The following DCP2 variants were observed in gnomAD, a reference collection of about 807,000 sequenced individuals.
The protein encoded by DCP2 is m7GpppN-mRNA hydrolase.
Under a neutral mutation model 56.1 loss-of-function variants are expected in DCP2, and 30 were observed. The ratio of observed to expected loss-of-function variants is 0.53; its 90% CI spans 0.40 to 0.73. The LOEUF is 0.73. DCP2 is among the 30% of genes least tolerant of loss of function. The pLI is 0.00. For synonymous variants in DCP2, 197 were observed against 163.3 expected (o/e 1.21, Z -1.57); for missense variants, 533 against 502.7 (o/e 1.06, Z -0.58).
At chr5:112,987,620 C>CTTTTTTTTTTTTTTTTTTTTTTT (rs562254738) in intron 2 of DCP2, among the ~76,000 whole-genome samples, 9 of 69,732 alleles carry the variant, frequency 1.3e-4, no homozygotes, top group Non-Finnish European at 1.5e-4. Flanking sequence ...ACCTAGGTGC[C>CTTTTTTTTTTTTTTTTTTTTTTT]TTTTTTTTTT....
intron 7 of DCP2, among the ~76,000 whole-genome samples, chr5:113,002,449 A>C (rs977168097): frequency 6.6e-6 from 1 of 151,178 alleles, no homozygotes. Flanking sequence ...ATTGTGTCAG[A>C]GATTGTGTAT....
intron 2 of DCP2, among the ~76,000 whole-genome samples, chr5:112,986,632 C>A (rs1343041548): frequency 6.6e-6 from 1 of 152,016 alleles, no homozygotes; most frequent in Admixed American, 6.6e-5. Flanking sequence ...GCCGCTGTGC[C>A]CAGTGACATT....
At chr5:113,000,143 A>G (rs964229802) in intron 4 of DCP2, among the ~76,000 whole-genome samples, 2 of 151,192 alleles carry the variant, frequency 1.3e-5, no homozygotes, top group Non-Finnish European at 2.9e-5. Flanking sequence ...ATTTTTTTGT[A>G]TAGATGGAGT....
chr5:112,979,476 C>G (rs952240773), intron 1 of DCP2, among the ~76,000 whole-genome samples: 10 of 152,044 alleles, frequency 6.6e-5, no homozygotes, highest in Non-Finnish European at 1.5e-4. Flanking sequence ...CTTCTTTGCT[C>G]TCTTTTATGT....
Position 112,985,909 on chromosome 5 carries a change from A to T in DCP2, c.128A>T (p.His43Leu). The T allele has an allele frequency of 6.2e-7, 1 of 1,610,468 alleles. No homozygotes were observed. The change falls in exon 2 of 11, where the codon CAT becomes CTT. Residue 43 changes from histidine to leucine, a missense_variant. Around this residue, in one of 3 missense-constraint regions of DCP2, gnomAD observed 137 missense variants for 138.2 expected, o/e 0.99. Coordinates refer to ENST00000389063, the MANE Select transcript of DCP2 (RefSeq NM_152624.6). ...GTGTGTTTTCAGATTGAACTTGCCC[A>T]TTGGTTTTACTTGGATTTCTACATG... Reference protein sequence around the residue: ...IRVCFQIELAHWFYLDFYMQN... With the variant: ...IRVCFQIELALWFYLDFYMQN...
Position 112,997,594 on chromosome 5 carries a change from ACTTTTTCTTTTT to A in DCP2, c.433-3477_433-3466del, listed in dbSNP as rs550427217. Among the ~76,000 whole-genome samples, 8 of 149,088 alleles carry A rather than the reference ACTTTTTCTTTTT, an allele frequency of 5.4e-5. No individual in the cohort carries two copies. In the East Asian group the frequency reaches 5.8e-4, roughly 11 times the overall value. ...TGTACACTGCTGCTCTTTGGGTTAC[ACTTTTTCTTTTT>A]CTTTTTCTTTTTTTTTTTTTTGAGA... On this transcript the variant is annotated intron_variant, in intron 4 of 10. Coordinates refer to ENST00000389063, the MANE Select transcript of DCP2 (RefSeq NM_152624.6).
At chr5:112,983,541 C>T (rs547528521) in intron 1 of DCP2, among the ~76,000 whole-genome samples, 2 of 152,224 alleles carry the variant, frequency 1.3e-5, no homozygotes, top group Admixed American at 1.3e-4. Flanking sequence ...TAAAGACTCA[C>T]AGTAGGATTG....
At chr5:113,009,996 T>C (rs1477992996) in intron 9 of DCP2, among the ~76,000 whole-genome samples, 1 of 151,074 alleles carries the variant, frequency 6.6e-6, no homozygotes, top group Non-Finnish European at 1.5e-5. Context: ...TACTGTAGCC[T>C]TGAACTTCTG....
chr5:112,988,220 T>C (rs11959936), intron 2 of DCP2, among the ~76,000 whole-genome samples: 18,894 of 151,580 alleles, frequency 0.12, 2,788 homozygotes, highest in African/African-American at 0.36. Flanking sequence ...CGGTGGCTCA[T>C]GCCTGTAATC....
At chr5:112,990,445 C>T (rs1282176330) in intron 2 of DCP2, among the ~76,000 whole-genome samples, 2 of 152,162 alleles carry the variant, frequency 1.3e-5, no homozygotes, top group Non-Finnish European at 2.9e-5. Context: ...TTTTACTAAA[C>T]ATGTAAAGCC....
Position 113,005,151 on chromosome 5 carries a change from G to GTGTGTGTGT in DCP2, c.942+1074_942+1075insTGTGTGTGT, listed in dbSNP as rs1749361092. On this transcript the variant is annotated intron_variant, in intron 8 of 10. Transcript: ENST00000389063. ...TCTCAAAAAAAAAAGTGTGCGTGTG[G>GTGTGTGTGT]GTGTGTGTGTGTGTGTGTAAACTGG... 1.3e-3 allele frequency among the ~76,000 whole-genome samples: 195 copies of GTGTGTGTGT among 149,524 alleles called. 1 individual carries two copies. The highest frequency in any genetic ancestry group is 4.4e-3 in the African/African-American group (176 of 40,452).
In DCP2 at chr5:113,018,480, T is replaced by TA. The variant is rs1749980385; in HGVS notation, c.*4997dup. The stretch of plus-strand genomic sequence containing the variant: ...TCACAAGGTGCTTACGTTAGCTGGG[T>TA]AGTATTGGTCAAAGGTACTCTGAAG... On this transcript the variant is annotated 3_prime_UTR_variant, in exon 11 of 11. Transcript: ENST00000389063. 1 of 152,302 alleles carries TA rather than the reference T, an allele frequency of 6.6e-6. No homozygotes were observed. The highest frequency in any genetic ancestry group is 1.9e-4 in the East Asian group (1 of 5,180). 9.4% of individuals were successfully genotyped at this position (152,302 alleles called of 1,614,324 possible).
intron 7 of DCP2, 122 bp downstream of exon 7, chr5:113,001,796 T>G (rs184572071): frequency 1.1e-6 from 1 of 870,776 alleles, no homozygotes; most frequent in East Asian, 2.6e-5. Flanking sequence ...TCTTTGTTAC[T>G]GGTCTCACAG....
chr5:113,015,555 C>T lies in DCP2; in HGVS notation c.*2071C>T, dbSNP rs1009697317. On this transcript the variant is annotated 3_prime_UTR_variant, in exon 11 of 11. Transcript: ENST00000389063. ...GTAGTTTAACTATGGTTAAATGTTA[C>T]TGCTGTTGCGCTGCTTTATTTAATG... 2 of 152,564 alleles carry T rather than the reference C, an allele frequency of 1.3e-5. No homozygotes were observed. Among genetic ancestry groups the T allele is most frequent in the Non-Finnish European group, 2.9e-5 (2 of 68,024 alleles). 9.5% of individuals were successfully genotyped at this position (152,564 alleles called of 1,614,324 possible).
chr5:112,977,494 A>G (rs115438319), intron 1 of DCP2, among the ~76,000 whole-genome samples: 144 of 152,050 alleles, frequency 9.5e-4, no homozygotes, highest in African/African-American at 3.3e-3. Context: ...CCTGCGTGTT[A>G]TTTGTCCGTG....
At position 113,013,476 on chromosome 5, in the gene DCP2, G is replaced by C. The variant is rs747262797; in HGVS notation, c.1255G>C (p.Asp419His). The C allele has an allele frequency of 1.9e-6, 3 of 1,613,956 alleles. No homozygotes were observed. In the Admixed American group the frequency reaches 5.0e-5, roughly 27 times the overall value. The change falls in exon 11 of 11, where the codon GAC (aspartate) becomes CAC (histidine). Residue 419 changes from aspartate to histidine, a missense_variant. Physicochemically the swap from Asp to His is moderately conservative, Grantham distance 81. This residue lies in a region of DCP2 where 392 missense variants were observed against 346.6 expected (regional missense o/e 1.13). Transcript: ENST00000389063. ...FDHNAIMKIL[D>H]L is the part of the protein sequence containing the mutation. Reference sequence around the variant, plus strand: ...CCATAATGCTATAATGAAAATCTTGGACCTTTGATAGCAGCACATGTATTG... The same window carrying C: ...CCATAATGCTATAATGAAAATCTTGCACCTTTGATAGCAGCACATGTATTG...
rs1022818106 is a variant in DCP2 at position 113,020,561 on chromosome 5, A to T, written c.*7077A>T. ...TTCTAGATTTATGTTGTTGTAGTTG[A>T]ACAGCAACTGTTTTTTTCCCTCAGT... is the stretch of plus-strand genomic sequence containing the variant. On this transcript the variant is annotated 3_prime_UTR_variant, in exon 11 of 11. Transcript: ENST00000389063. 1 of 152,236 alleles carries T rather than the reference A, an allele frequency of 6.6e-6. No homozygotes were observed. The highest frequency in any genetic ancestry group is 2.4e-5 in the African/African-American group (1 of 41,470). 9.4% of individuals were successfully genotyped at this position (152,236 alleles called of 1,614,324 possible).
intron 1 of DCP2, 94 bp downstream of exon 1, chr5:112,977,080 C>T (rs1290560397): frequency 8.4e-6 from 8 of 949,234 alleles, no homozygotes; most frequent in Middle Eastern, 2.4e-4. Flanking sequence ...CGCCCACGTC[C>T]ATGTCCTCGC....
chr5:113,012,403 G>T (rs1445019523), intron 10 of DCP2, among the ~76,000 whole-genome samples: 8 of 152,122 alleles, frequency 5.3e-5, no homozygotes, highest in African/African-American at 1.7e-4. Context: ...TCTTAGTTGG[G>T]CATTATATGA....
Sources: gnomAD v4.1 joint callset for allele counts (sites outside exome capture counted in the v4.1 genomes callset) on GRCh38, gnomAD v4.1.1 for gene constraint, gnomAD v4.1.1 regional missense constraint, MANE v1.5 for transcripts, NCBI Gene and HGNC (gene_info 2026-07-23, HGNC 2026-07-21) for gene names.